Variants in ELP3 observed in about 807,000 individuals in gnomAD.
ELP3 encodes the protein elongator acetyltransferase complex subunit 3.
Under a neutral mutation model 74.9 loss-of-function variants are expected in ELP3, and 56 were observed. That is an observed-to-expected ratio of 0.75 (90% confidence interval 0.60 to 0.93). The LOEUF is 0.93. ELP3 is among the 40% of genes least tolerant of loss of function. The probability of loss-of-function intolerance (pLI) is 0.00; values close to 1 mark genes in which losing one functional copy is unlikely to be tolerated. For missense variants in ELP3, 573 were observed against 686.5 expected, an observed-to-expected ratio of 0.83 and a Z score of 1.85; for synonymous variants, 222 against 239.8, an observed-to-expected ratio of 0.93 and a Z score of 0.68.
chr8:28,179,516 G>A (rs1457958637), intron 14 of ELP3, among the ~76,000 whole-genome samples: 1 of 152,156 alleles, frequency 6.6e-6, no homozygotes, highest in African/African-American at 2.4e-5. Context: ...ATAGTAAGGG[G>A]GTTGGGGTGA....
chr8:28,126,853 A>T (rs781407737), intron 7 of ELP3, among the ~76,000 whole-genome samples: 1 of 152,230 alleles, frequency 6.6e-6, no homozygotes, highest in Admixed American at 6.5e-5. Context: ...GTAGGATTAG[A>T]TATAGTATCA....
intron 14 of ELP3, among the ~76,000 whole-genome samples, chr8:28,176,749 A>G (rs1217449590): frequency 6.6e-6 from 1 of 152,214 alleles, no homozygotes; most frequent in Non-Finnish European, 1.5e-5. Flanking sequence ...TCTTCCTACC[A>G]GGTTATAAGA....
At chr8:28,129,427 G>A in intron 7 of ELP3, 75 bp from the exon 8 acceptor site, 1 of 1,513,966 alleles carries the variant, frequency 6.6e-7, no homozygotes, top group East Asian at 2.3e-5. Context: ...GGAGGACAGA[G>A]AGAAGGCAGT....
intron 3 of ELP3, among the ~76,000 whole-genome samples, chr8:28,100,563 C>T (rs1811439419): frequency 6.6e-6 from 1 of 152,218 alleles, no homozygotes. Context: ...AGGGTGTTAA[C>T]AGTTCAGGAG....
intron 3 of ELP3, among the ~76,000 whole-genome samples, chr8:28,102,747 T>TATTAACCAA (rs1811539955): frequency 6.6e-6 from 1 of 152,254 alleles, no homozygotes; most frequent in Non-Finnish European, 1.5e-5. Flanking sequence ...ATTGTTGCAT[T>TATTAACCAA]ATTATTAACC....
intron 1 of ELP3, among the ~76,000 whole-genome samples, chr8:28,094,464 A>G (rs1387198332): frequency 6.6e-6 from 1 of 152,234 alleles, no homozygotes; most frequent in African/African-American, 2.4e-5. Context: ...CATGCCGGTA[A>G]TCCCAGCACT....
intron 14 of ELP3, among the ~76,000 whole-genome samples, chr8:28,170,128 A>G (rs1814461491): frequency 6.6e-6 from 1 of 152,194 alleles, no homozygotes; most frequent in South Asian, 2.1e-4. Context: ...GAGACTGCCT[A>G]CCACAATGTA....
rs1249067424 is a variant in ELP3 at position 28,190,846 on chromosome 8, ACCGCTC to A, written c.*1124_*1129del. The A allele has an allele frequency of 1.3e-4, 20 of 152,378 alleles. No homozygotes were observed. The highest frequency in any genetic ancestry group is 1.2e-3 in the Admixed American group (19 of 15,300). 9.4% of individuals were successfully genotyped at this position (152,378 alleles called of 1,614,324 possible). ...AATGCCGGGATTACAGGCATGAGCCACCGCTCCCAGCCTTTGATTTTTTAAGGTGGA... is the reference window on the plus strand; with the variant it reads ...AATGCCGGGATTACAGGCATGAGCCACCAGCCTTTGATTTTTTAAGGTGGA... On this transcript the variant is annotated 3_prime_UTR_variant, in exon 15 of 15. Coordinates refer to ENST00000256398, the MANE Select transcript of ELP3 (RefSeq NM_018091.6).
chr8:28,093,535 G>A, intron 1 of ELP3: 1 of 463,446 alleles, frequency 2.2e-6, no homozygotes, highest in South Asian at 2.9e-5. Flanking sequence ...TTAACGGGTT[G>A]TAGGACTTTT....
chr8:28,134,926 T>C (rs1267927884), intron 9 of ELP3, among the ~76,000 whole-genome samples: 3 of 151,992 alleles, frequency 2.0e-5, no homozygotes, highest in Non-Finnish European at 4.4e-5. Context: ...CAGTTTCTTA[T>C]GCCTTTTTTT....
At chr8:28,090,358 C>A (rs908368762), upstream of ELP3, 4 of 381,212 alleles carry the variant, frequency 1.0e-5, no homozygotes, top group Non-Finnish European at 2.0e-5. Context: ...AACTCTGGAG[C>A]CCAGGATGTT....
chr8:28,186,056 T>C (rs900475969), intron 14 of ELP3, among the ~76,000 whole-genome samples: 9 of 152,224 alleles, frequency 5.9e-5, no homozygotes, highest in African/African-American at 1.9e-4. Flanking sequence ...GAAGACATTG[T>C]GCTAAGTGAA....
chr8:28,163,461 G>A (rs987853077), intron 14 of ELP3, among the ~76,000 whole-genome samples: 6 of 150,744 alleles, frequency 4.0e-5, no homozygotes, highest in Non-Finnish European at 8.8e-5. Context: ...TAATGACTCA[G>A]GCTCACTTAT....
intron 1 of ELP3, among the ~76,000 whole-genome samples, chr8:28,095,917 G>T (rs974912881): frequency 6.6e-6 from 1 of 152,198 alleles, no homozygotes; most frequent in African/African-American, 2.4e-5. Context: ...GACCAGTACC[G>T]GTTCATGGCC....
At chr8:28,134,942 T>C (rs1030999029) in intron 9 of ELP3, among the ~76,000 whole-genome samples, 22 of 151,888 alleles carry the variant, frequency 1.4e-4, no homozygotes, top group African/African-American at 4.3e-4. Context: ...TTTTTTTTTT[T>C]CCTTGAGACG....
rs995474433 is a variant in ELP3 at position 28,190,918 on chromosome 8, C to G, written c.*1193C>G. The G allele has an allele frequency of 6.6e-6, 1 of 152,178 alleles. No individual in the cohort carries two copies. The highest frequency in any genetic ancestry group is 2.1e-4 in the South Asian group (1 of 4,830). 9.4% of individuals were successfully genotyped at this position (152,178 alleles called of 1,614,324 possible). On this transcript the variant is annotated 3_prime_UTR_variant, in exon 15 of 15. Transcript: ENST00000256398. ...ATGGAGAAAGGTAAGAGTTCAAGTTCAACCCGTGTGTGAAAGCAAAACAAT... is the reference window on the plus strand; with the variant it reads ...ATGGAGAAAGGTAAGAGTTCAAGTTGAACCCGTGTGTGAAAGCAAAACAAT...
rs567594136 is a variant in ELP3 at position 28,106,409 on chromosome 8, G to A, written c.259-304G>A. ...CAAAAAATTAGCCGGGCGTAGTGGC[G>A]GGCGCCTGTAGTCCCAGCTACCTGG... On this transcript the variant is annotated intron_variant, in intron 3 of 14. Transcript: ENST00000256398. Among the ~76,000 whole-genome samples, 455 of 151,040 alleles carry A rather than the reference G, an allele frequency of 3.0e-3. 4 individuals carry two copies. Among genetic ancestry groups the A allele is most frequent in the African/African-American group, 0.01 (434 of 41,334 alleles).
At chr8:28,134,284 C>T (rs1289876394) in intron 9 of ELP3, among the ~76,000 whole-genome samples, 1 of 152,152 alleles carries the variant, frequency 6.6e-6, no homozygotes. Context: ...TAGCAAATAG[C>T]TGAGTCTCAG....
intron 2 of ELP3, among the ~76,000 whole-genome samples, chr8:28,098,929 A>G: frequency 6.6e-6 from 1 of 152,142 alleles, no homozygotes; most frequent in Non-Finnish European, 1.5e-5. Flanking sequence ...CATTGTTGGT[A>G]TGTGTGTGTG....
Sources: allele counts gnomAD v4.1 joint callset (sites outside exome capture counted in the v4.1 genomes callset), GRCh38; gene constraint gnomAD v4.1.1; transcripts MANE v1.5; gene names NCBI Gene and HGNC (gene_info 2026-07-23, HGNC 2026-07-21).